Variants in MED12L observed in about 807,000 individuals in gnomAD.
The protein encoded by MED12L is mediator of RNA polymerase II transcription subunit 12-like protein.
Under a neutral mutation model 281.3 loss-of-function variants are expected in MED12L, and 60 were observed. The ratio of observed to expected loss-of-function variants is 0.21; its 90% CI spans 0.17 to 0.26. The LOEUF is 0.26. Among genes scored for constraint, MED12L ranks in the 10% least tolerant of loss-of-function variants. The pLI, the probability that MED12L is intolerant of heterozygous loss-of-function variation, is 1.00. For missense variants in MED12L, 2,146 were observed against 2,680.9 expected (o/e 0.80, Z 4.41); for synonymous variants, 974 against 987.2 (o/e 0.99, Z 0.25).
chr3:151,156,995 T>C (rs1363950207), intron 6 of MED12L, among the ~76,000 whole-genome samples: 1 of 152,238 alleles, frequency 6.6e-6, no homozygotes, highest in Non-Finnish European at 1.5e-5. Flanking sequence ...ATAATTTTCA[T>C]GCTCCTCTTC....
chr3:151,163,981 T>C lies in MED12L; in HGVS notation c.1196T>C (p.Leu399Pro). 1 of 1,613,916 alleles carries C rather than the reference T, an allele frequency of 6.2e-7. No individual in the cohort carries two copies. Among genetic ancestry groups the C allele is most frequent in the Non-Finnish European group, 8.5e-7 (1 of 1,179,874 alleles). ...KSANPGSPLD[L>P]LQVAPSSLPM... ...GCAAACCCAGGCTCACCCCTGGATC[T>C]GCTGCAGGTGGCCCCGTCCAGCCTC... The change falls in exon 9 of 45, where the codon CTG becomes CCG. Residue 399 changes from leucine (L) to proline (P), a missense_variant. This residue lies in a region of MED12L where 722 missense variants were observed against 861.2 expected (regional missense o/e 0.84). Coordinates refer to ENST00000687756, the MANE Select transcript of MED12L (RefSeq NM_001393769.1).
chr3:151,163,583 G>C (rs1395595015), intron 8 of MED12L, among the ~76,000 whole-genome samples: 1 of 151,736 alleles, frequency 6.6e-6, no homozygotes, highest in East Asian at 1.9e-4. Flanking sequence ...ATGAAAAATT[G>C]GTTTAAGTGA....
intron 11 of MED12L, among the ~76,000 whole-genome samples, chr3:151,178,642 G>A (rs1722366142): frequency 6.6e-6 from 1 of 152,132 alleles, no homozygotes; most frequent in Non-Finnish European, 1.5e-5. Context: ...GAGTGACCTT[G>A]GACAAGTTAT....
intron 5 of MED12L, among the ~76,000 whole-genome samples, chr3:151,131,336 C>T (rs1481407875): frequency 2.0e-5 from 3 of 152,194 alleles, no homozygotes; most frequent in Non-Finnish European, 4.4e-5. Context: ...CATGGTGGCT[C>T]ATGCCTATAA....
intron 16 of MED12L, chr3:151,328,477 CT>C (rs1749930125): frequency 6.2e-7 from 1 of 1,613,894 alleles, no homozygotes. Flanking sequence ...AGGAAGCACA[CT>C]TTTTCACAGA....
chr3:151,370,831 A>G (rs974623064), intron 26 of MED12L, among the ~76,000 whole-genome samples: 29 of 152,248 alleles, frequency 1.9e-4, no homozygotes, highest in Non-Finnish European at 1.5e-5. Flanking sequence ...TGCTAATGGC[A>G]GAAACCAAGA....
At position 151,435,527 on chromosome 3, in the gene MED12L, T is replaced by C. The variant is rs1157175860; in HGVS notation, c.*2723T>C. On this transcript the variant is annotated 3_prime_UTR_variant, in exon 45 of 45. Transcript: ENST00000687756. Reference sequence around the variant, plus strand: ...GCGCTATTCCACATGTCTCAAATGATTGGCAGGGGCTAACTTATTAGTAAT... The same window carrying C: ...GCGCTATTCCACATGTCTCAAATGACTGGCAGGGGCTAACTTATTAGTAAT... The C allele has an allele frequency of 6.6e-6, 1 of 152,156 alleles. No individual in the cohort carries two copies. The highest frequency in any genetic ancestry group is 2.4e-5 in the African/African-American group (1 of 41,448). The allele number at this position is 152,156 out of a possible 1,614,324, so 9.4% of individuals were successfully genotyped here. A position where few individuals can be genotyped will look rare whatever the true frequency, so the allele number is the denominator to read the frequency against.
intron 16 of MED12L, among the ~76,000 whole-genome samples, chr3:151,302,423 C>T (rs1746062737): frequency 6.6e-6 from 1 of 152,182 alleles, no homozygotes; most frequent in Non-Finnish European, 1.5e-5. Flanking sequence ...GGGAAATCTG[C>T]TTGCCCCATA....
At chr3:151,099,831 T>C (rs1271409891) in intron 2 of MED12L, among the ~76,000 whole-genome samples, 5 of 152,166 alleles carry the variant, frequency 3.3e-5, no homozygotes, top group African/African-American at 1.2e-4. Context: ...CAATGTGATA[T>C]ATTCATAAAT....
chr3:151,162,460 G>A (rs188372308), intron 8 of MED12L, among the ~76,000 whole-genome samples: 1 of 152,186 alleles, frequency 6.6e-6, no homozygotes, highest in East Asian at 1.9e-4. Flanking sequence ...TGTTGCCCAT[G>A]CTGGAGGGCA....
intron 16 of MED12L, among the ~76,000 whole-genome samples, chr3:151,231,524 A>G (rs1241388462): frequency 6.6e-6 from 1 of 152,228 alleles, no homozygotes; most frequent in Non-Finnish European, 1.5e-5. Flanking sequence ...AAAAATCTTC[A>G]ATGAGCAATC....
chr3:151,334,602 C>T (rs530799084), intron 16 of MED12L, among the ~76,000 whole-genome samples: 4 of 152,030 alleles, frequency 2.6e-5, no homozygotes, highest in Non-Finnish European at 2.9e-5. Flanking sequence ...TGTGTTCAAG[C>T]GGTTCTCCTG....
chr3:151,127,293 G>A (rs992809111), intron 4 of MED12L, among the ~76,000 whole-genome samples: 2 of 152,102 alleles, frequency 1.3e-5, no homozygotes, highest in Non-Finnish European at 2.9e-5. Context: ...ATCCATCATT[G>A]TAGTCTCTCT....
chr3:151,371,751 G>A (rs375346868), intron 26 of MED12L, among the ~76,000 whole-genome samples: 1 of 152,190 alleles, frequency 6.6e-6, no homozygotes, highest in Non-Finnish European at 1.5e-5. Context: ...TTTGAAGGCT[G>A]TGCTGTCATT....
At chr3:151,253,827 A>G (rs1737291559) in intron 16 of MED12L, among the ~76,000 whole-genome samples, 1 of 152,050 alleles carries the variant, frequency 6.6e-6, no homozygotes, top group African/African-American at 2.4e-5. Flanking sequence ...TTTTGCTGAG[A>G]GCAATCCATG....
chr3:151,360,381 C>A, intron 20 of MED12L, 93 bp from the exon 21 acceptor site: 1 of 1,144,510 alleles, frequency 8.7e-7, no homozygotes, highest in Non-Finnish European at 1.3e-6. Context: ...TTTTTCTTAC[C>A]CAAGTGATAC....
intron 16 of MED12L, among the ~76,000 whole-genome samples, chr3:151,339,516 C>T (rs1210925032): frequency 2.6e-5 from 4 of 151,606 alleles, no homozygotes; most frequent in Non-Finnish European, 4.4e-5. Flanking sequence ...AGATTGGCCT[C>T]ACGGAGATTC....
At position 151,409,341 on chromosome 3, in the gene MED12L, A is replaced by G; in HGVS notation, c.5910+9A>G. ...GGCTGCAGCAAGCACAGGTACCCACATTTGCTTTGTAGGTACTGACAGGAT... is the reference window on the plus strand; with the variant it reads ...GGCTGCAGCAAGCACAGGTACCCACGTTTGCTTTGTAGGTACTGACAGGAT... On this transcript the variant is annotated intron_variant, in intron 40 of 44. Coordinates refer to ENST00000687756, the MANE Select transcript of MED12L (RefSeq NM_001393769.1). The G allele has an allele frequency of 1.2e-6, 2 of 1,613,588 alleles. No individual in the cohort carries two copies. Among genetic ancestry groups the G allele is most frequent in the East Asian group, 2.2e-5 (1 of 44,880 alleles).
At chr3:151,205,947 C>T (rs959992688) in intron 16 of MED12L, among the ~76,000 whole-genome samples, 33 of 152,092 alleles carry the variant, frequency 2.2e-4, no homozygotes, top group African/African-American at 7.7e-4. Flanking sequence ...GACGCTCTTA[C>T]ATCAAAATAA....
Sources: allele counts gnomAD v4.1 joint callset (sites outside exome capture counted in the v4.1 genomes callset), GRCh38; gene constraint gnomAD v4.1.1; regional missense constraint gnomAD v4.1.1; transcripts MANE v1.5; gene names NCBI Gene and HGNC (gene_info 2026-07-23, HGNC 2026-07-21).